The following RMDN3 variants were observed in gnomAD, a reference collection of about 807,000 sequenced individuals.
RMDN3 encodes regulator of microtubule dynamics protein 3.
A neutral mutation model predicts 61.8 loss-of-function variants in RMDN3; 41 were observed. The observed-to-expected ratio is 0.66, with a 90% CI of 0.52 to 0.86. The LOEUF (loss-of-function observed/expected upper bound fraction) is 0.86. Ranked by LOEUF, RMDN3 falls within the 40% of genes least tolerant of loss-of-function variation. The probability of loss-of-function intolerance (pLI) is 0.00; values close to 1 mark genes in which losing one functional copy is unlikely to be tolerated. For missense variants in RMDN3, 557 were observed against 585.3 expected (o/e 0.95, Z 0.50); for synonymous variants, 247 against 232.0 (o/e 1.06, Z -0.59).
Position 40,736,614 on chromosome 15 carries a change from A to T in RMDN3, c.1360-20T>A. On this transcript the variant is annotated intron_variant, in intron 12 of 12. Coordinates refer to ENST00000338376, the MANE Select transcript of RMDN3 (RefSeq NM_018145.3). Reference sequence around the variant, plus strand: ...CAAATCCTAGGGAGACAAAGAACAAATCTAGGGCTCAAAATTTAAACCAGC... The same window carrying T: ...CAAATCCTAGGGAGACAAAGAACAATTCTAGGGCTCAAAATTTAAACCAGC... 1 of 1,611,850 alleles carries T rather than the reference A, an allele frequency of 6.2e-7. No individual in the cohort carries two copies. Among genetic ancestry groups the T allele is most frequent in the Non-Finnish European group, 8.5e-7 (1 of 1,178,228 alleles).
At chr15:40,738,626 C>T (rs755146397) in intron 7 of RMDN3, 50 bp from the exon 8 acceptor site, 2 of 1,574,554 alleles carry the variant, frequency 1.3e-6, no homozygotes, top group African/African-American at 1.4e-5. Flanking sequence ...ACCATCACTG[C>T]AAGGAATGGA....
chr15:40,747,952 G>A (rs1039570346), intron 4 of RMDN3, among the ~76,000 whole-genome samples: 3 of 152,140 alleles, frequency 2.0e-5, no homozygotes, highest in South Asian at 2.1e-4. Flanking sequence ...GAGTCTTCAC[G>A]ATGAGGCTGC....
rs764827098 is a variant in RMDN3 at position 40,745,069 on chromosome 15, G to T, written c.715C>A (p.Leu239Met). The stretch of plus-strand genomic sequence containing the variant: ...TCGTCGGCCTGCTGCAGGAGGGGCA[G>T]CACATCCTCCAAGCCTGAGGAACCT... Reference protein sequence around the residue: ...AGGSSGLEDVLPLLQQADELH... With the variant: ...AGGSSGLEDVMPLLQQADELH... The change falls in exon 5 of 13, where the codon CTG becomes ATG. Residue 239 changes from leucine to methionine, a missense_variant. By Grantham distance (15) the Leu-to-Met change is conservative (BLOSUM62 2). Coordinates refer to ENST00000338376, the MANE Select transcript of RMDN3 (RefSeq NM_018145.3). 2 of 1,614,146 alleles carry T rather than the reference G, an allele frequency of 1.2e-6. No homozygotes were observed.
At chr15:40,747,278 G>A (rs1271134956) in intron 4 of RMDN3, among the ~76,000 whole-genome samples, 2 of 152,186 alleles carry the variant, frequency 1.3e-5, no homozygotes, top group African/African-American at 4.8e-5. Context: ...GACCTGAGCT[G>A]CGATGCTGCC....
At chr15:40,753,107 T>C (rs1897895531) in intron 2 of RMDN3, among the ~76,000 whole-genome samples, 10 of 152,056 alleles carry the variant, frequency 6.6e-5, no homozygotes, top group Admixed American at 6.6e-4. Context: ...GATTATAAAA[T>C]GCTGACAATC....
At chr15:40,738,396 A>C in intron 8 of RMDN3, 105 bp downstream of exon 8, 2 of 1,039,250 alleles carry the variant, frequency 1.9e-6, no homozygotes, top group East Asian at 5.0e-5. Context: ...AAAAAGAAGA[A>C]AGGCAAGTCA....
chr15:40,736,458 C>T lies in RMDN3; in HGVS notation c.*83G>A. On this transcript the variant is annotated 3_prime_UTR_variant, in exon 13 of 13. Coordinates refer to ENST00000338376, the MANE Select transcript of RMDN3 (RefSeq NM_018145.3). Reference sequence around the variant, plus strand: ...AGACAGATTTGTGTGGTTTCCTGATCTCAGCAAGGTCTAAGGAAAAAAGCC... The same window carrying T: ...AGACAGATTTGTGTGGTTTCCTGATTTCAGCAAGGTCTAAGGAAAAAAGCC... 7.9e-7 allele frequency: 1 copy of T among 1,261,948 alleles called. No homozygotes were observed. The highest frequency in any genetic ancestry group is 2.3e-5 in the East Asian group (1 of 43,208). 78.2% of individuals were successfully genotyped at this position (1,261,948 alleles called of 1,614,324 possible).
chr15:40,736,792 G>T (rs1463638752), intron 12 of RMDN3, among the ~76,000 whole-genome samples, 198 bp from the exon 13 acceptor site: 2 of 152,088 alleles, frequency 1.3e-5, no homozygotes, highest in African/African-American at 4.8e-5. Context: ...AGGGAAATAA[G>T]ACCTCTAGGA....
At chr15:40,749,080 T>C (rs1302320000) in intron 4 of RMDN3, among the ~76,000 whole-genome samples, 1 of 152,140 alleles carries the variant, frequency 6.6e-6, no homozygotes, top group Non-Finnish European at 1.5e-5. Context: ...ATTTTTGTAT[T>C]TTTAGTAGAG....
intron 4 of RMDN3, 53 bp downstream of exon 4, chr15:40,751,373 T>A (rs1002901545): frequency 1.7e-5 from 27 of 1,590,622 alleles, no homozygotes; most frequent in Non-Finnish European, 2.2e-5. Context: ...ATAATACTTT[T>A]ACAAAACACA....
At chr15:40,741,620 A>ATGTTTTTTTTTTTTTTTTTTTTTTTT (rs1897282721) in intron 6 of RMDN3, among the ~76,000 whole-genome samples, 1 of 71,724 alleles carries the variant, frequency 1.4e-5, no homozygotes, top group African/African-American at 5.3e-5. Context: ...GCAACATAGG[A>ATGTTTTTTTTTTTTTTTTTTTTTTTT]TTTTTTTTTT....
At position 40,737,736 on chromosome 15, in the gene RMDN3, A is replaced by AAAGATCAAGGTGTGTAT; in HGVS notation, c.1126-27_1126-11dup. On this transcript the variant is annotated splice_polypyrimidine_tract_variant and intron_variant, in intron 9 of 12. Coordinates refer to ENST00000338376, the MANE Select transcript of RMDN3 (RefSeq NM_018145.3). ...AGCTCAGGTGAGAGACCTGCCACAA[A>AAAGATCAAGGTGTGTAT]AAGATCAAGGTGTGTATAAGAGGTT... The AAAGATCAAGGTGTGTAT allele has an allele frequency of 6.2e-7, 1 of 1,613,414 alleles. No homozygotes were observed. The highest frequency in any genetic ancestry group is 8.5e-7 in the Non-Finnish European group (1 of 1,179,462).
rs745390177 is a variant in RMDN3 at position 40,745,005 on chromosome 15, A to G, written c.779T>C (p.Phe260Ser). 6.2e-7 allele frequency: 1 copy of G among 1,607,748 alleles called. No homozygotes were observed. The change falls in exon 5 of 13, where the codon TTC (phenylalanine) becomes TCC (serine). Residue 260 changes from phenylalanine to serine, a missense_variant. Coordinates refer to ENST00000338376, the MANE Select transcript of RMDN3 (RefSeq NM_018145.3). The part of the protein sequence containing the change: ...RGDEQGKREG[F>S]QLLLNNKLVY... Reference sequence around the variant, plus strand: ...CAGCTTGTTGTTGAGCAGCAGCTGGAAGCCCTCCCGCTTGCCTTGCTCATC... The same window carrying G: ...CAGCTTGTTGTTGAGCAGCAGCTGGGAGCCCTCCCGCTTGCCTTGCTCATC...
chr15:40,744,967 G>T lies in RMDN3; in HGVS notation c.807+10C>A. On this transcript the variant is annotated intron_variant, in intron 5 of 12. Transcript: ENST00000338376. Reference sequence around the variant, plus strand: ...GGGAAGGAGAAGGAGACAGGCAGCTGGAGCCTCACCACCAGCTTGTTGTTG... The same window carrying T: ...GGGAAGGAGAAGGAGACAGGCAGCTTGAGCCTCACCACCAGCTTGTTGTTG... 6.3e-7 allele frequency: 1 copy of T among 1,585,664 alleles called. No individual in the cohort carries two copies. Among genetic ancestry groups the T allele is most frequent in the East Asian group, 2.2e-5 (1 of 44,478 alleles).
At position 40,744,114 on chromosome 15, in the gene RMDN3, G is replaced by A. The variant is rs1256057794; in HGVS notation, c.843C>T (p.Ala281=). 6 of 1,613,462 alleles carry A rather than the reference G, an allele frequency of 3.7e-6. No individual in the cohort carries two copies. Among genetic ancestry groups the A allele is most frequent in the Admixed American group, 3.3e-5 (2 of 60,008 alleles). ...GSRQDFLWRL[A]RAYSDMCELT... The stretch of plus-strand genomic sequence containing the variant: ...GCTCACACATGTCACTGTAGGCTCG[G>A]GCCAGGCGCCAGAGAAAGTCCTGCC... Residue 281 remains alanine, a synonymous_variant, in exon 6 of 13, where the codon GCC becomes GCT. Transcript: ENST00000338376.
At chr15:40,744,498 T>TC (rs1475672187) in intron 5 of RMDN3, among the ~76,000 whole-genome samples, 2 of 138,816 alleles carry the variant, frequency 1.4e-5, no homozygotes, top group Non-Finnish European at 3.1e-5. Flanking sequence ...ACTTCTAACT[T>TC]CTGGGGGGGG....
intron 6 of RMDN3, among the ~76,000 whole-genome samples, chr15:40,742,471 A>G (rs982438681): frequency 1.3e-5 from 2 of 152,194 alleles, no homozygotes; most frequent in African/African-American, 4.8e-5. Context: ...AAAGAATGAG[A>G]CAACTAGTTC....
At chr15:40,753,669 C>T (rs1243450752) in intron 2 of RMDN3, among the ~76,000 whole-genome samples, 1 of 152,244 alleles carries the variant, frequency 6.6e-6, no homozygotes, top group Non-Finnish European at 1.5e-5. Flanking sequence ...CTGCCAGCCA[C>T]ATTCAGCTTC....
intron 4 of RMDN3, 145 bp from the exon 5 acceptor site, chr15:40,745,404 CTTTTTTTCTT>C: frequency 3.8e-6 from 2 of 529,252 alleles, no homozygotes; most frequent in Non-Finnish European, 6.3e-6. Context: ...TAAGGGCAGA[CTTTTTTTCTT>C]TTTTTTTTTT....
Sources: allele counts gnomAD v4.1 joint callset (sites outside exome capture counted in the v4.1 genomes callset), GRCh38; gene constraint gnomAD v4.1.1; transcripts MANE v1.5; gene names NCBI Gene and HGNC (gene_info 2026-07-23, HGNC 2026-07-21).